The following TMEM117 variants were observed in gnomAD, a reference collection of about 807,000 sequenced individuals.
TMEM117 encodes the protein transmembrane protein 117.
In TMEM117, 27 loss-of-function variants were observed where a neutral mutation model predicts 52.4. That is an observed-to-expected ratio of 0.51 (90% CI 0.38 to 0.71). The LOEUF (loss-of-function observed/expected upper bound fraction) is 0.71, where lower values mean the gene tolerates loss of function less well. Among genes scored for constraint, TMEM117 ranks in the 30% least tolerant of loss-of-function variants. The probability of loss-of-function intolerance (pLI) is 0.00; values close to 1 mark genes in which losing one functional copy is unlikely to be tolerated. For synonymous variants in TMEM117, 215 were observed against 206.3 expected, an observed-to-expected ratio of 1.04 and a Z score of -0.36; for missense variants, 556 against 630.5, an observed-to-expected ratio of 0.88 and a Z score of 1.26.
chr12:44,225,267 A>G (rs1419601939), intron 5 of TMEM117, among the ~76,000 whole-genome samples: 1 of 152,196 alleles, frequency 6.6e-6, no homozygotes, highest in Non-Finnish European at 1.5e-5. Flanking sequence ...CCATGAAGTA[A>G]CATAGTGCTT....
intron 5 of TMEM117, among the ~76,000 whole-genome samples, chr12:44,283,190 G>A (rs1950598979): frequency 6.6e-6 from 1 of 152,242 alleles, no homozygotes; most frequent in Non-Finnish European, 1.5e-5. Flanking sequence ...GTGCAGAAGG[G>A]AAATGTGGGG....
chr12:43,851,469 T>G (rs190262268), intron 2 of TMEM117, among the ~76,000 whole-genome samples: 1 of 152,316 alleles, frequency 6.6e-6, no homozygotes, highest in Non-Finnish European at 1.5e-5. Flanking sequence ...ATTCTAGTTT[T>G]TTTTTAAAAT....
At chr12:44,222,535 A>G (rs1022476999) in intron 5 of TMEM117, among the ~76,000 whole-genome samples, 7 of 152,192 alleles carry the variant, frequency 4.6e-5, no homozygotes, top group Non-Finnish European at 8.8e-5. Context: ...TGTCACTTCT[A>G]CATATCACCA....
intron 4 of TMEM117, among the ~76,000 whole-genome samples, chr12:44,167,831 G>A (rs984961718): frequency 2.5e-4 from 38 of 152,138 alleles, no homozygotes; most frequent in African/African-American, 8.9e-4. Context: ...GCATTACATA[G>A]TGCAGCTCTA....
At position 44,356,672 on chromosome 12, in the gene TMEM117, G is replaced by C. The variant is rs894996260; in HGVS notation, c.769-19923G>C. ...TGTCACCATCCCTTTAGTCTCTCAA[G>C]TAAGGAAAACAGATTTACTTTTTCC... On this transcript the variant is annotated intron_variant, in intron 6 of 7. Transcript: ENST00000266534. Among the ~76,000 whole-genome samples, 8 of 152,094 alleles carry C rather than the reference G, an allele frequency of 5.3e-5. No individual in the cohort carries two copies. In the East Asian group the frequency reaches 1.5e-3, roughly 29 times the overall value.
chr12:44,235,192 AG>A (rs59678616), intron 5 of TMEM117, among the ~76,000 whole-genome samples: 11,808 of 151,456 alleles, frequency 0.078, 1,375 homozygotes, highest in African/African-American at 0.26. Flanking sequence ...TACTCTCTCT[AG>A]ATATATTTTT....
intron 3 of TMEM117, among the ~76,000 whole-genome samples, chr12:44,037,666 C>T (rs956621480): frequency 2.6e-4 from 40 of 152,252 alleles, no homozygotes; most frequent in Middle Eastern, 6.8e-3. Flanking sequence ...CCAATTAGTA[C>T]GCACTTCCTC....
intron 3 of TMEM117, among the ~76,000 whole-genome samples, chr12:43,968,682 G>A (rs548098960): frequency 9.9e-5 from 15 of 151,944 alleles, no homozygotes; most frequent in African/African-American, 3.6e-4. Flanking sequence ...TATAGGGGTA[G>A]CTAAAACCCT....
chr12:44,280,847 T>C (rs984616897), intron 5 of TMEM117, among the ~76,000 whole-genome samples: 2 of 152,136 alleles, frequency 1.3e-5, no homozygotes, highest in Admixed American at 6.5e-5. Context: ...ATTATACTTT[T>C]TATATAGCTT....
At chr12:44,162,570 T>C (rs1011096921) in intron 4 of TMEM117, among the ~76,000 whole-genome samples, 1 of 152,224 alleles carries the variant, frequency 6.6e-6, no homozygotes, top group Non-Finnish European at 1.5e-5. Context: ...CTAACGCTTT[T>C]ACAAAGAGTC....
intron 3 of TMEM117, among the ~76,000 whole-genome samples, chr12:43,981,357 G>T (rs1945757258): frequency 6.6e-6 from 1 of 152,178 alleles, no homozygotes; most frequent in Non-Finnish European, 1.5e-5. Context: ...GAGCTGTCAT[G>T]TATAATTGGG....
chr12:44,143,393 C>G (rs912383693), intron 3 of TMEM117, 132 bp from the exon 4 acceptor site: 1 of 552,284 alleles, frequency 1.8e-6, no homozygotes. Context: ...GATTTGTAAG[C>G]ATATGTGATG....
At chr12:44,079,291 G>T (rs1947439120) in intron 3 of TMEM117, among the ~76,000 whole-genome samples, 1 of 152,156 alleles carries the variant, frequency 6.6e-6, no homozygotes, top group Admixed American at 6.5e-5. Flanking sequence ...TTGCCACACT[G>T]TCTTCCACAA....
chr12:44,083,165 C>A (rs1229562723), intron 3 of TMEM117, among the ~76,000 whole-genome samples: 1 of 151,892 alleles, frequency 6.6e-6, no homozygotes, highest in African/African-American at 2.4e-5. Context: ...TAAACATATG[C>A]AAAAGTTTTT....
At chr12:43,830,375 G>T in the TMEM117 span, among the ~76,000 whole-genome samples, 1 of 151,932 alleles carries the variant, frequency 6.6e-6, no homozygotes, top group East Asian at 1.9e-4. Flanking sequence ...TTGGGAGGCC[G>T]AGGCAGGTGG....
intron 3 of TMEM117, among the ~76,000 whole-genome samples, chr12:44,115,363 C>T (rs183709760): frequency 2.6e-3 from 402 of 152,144 alleles, no homozygotes; most frequent in African/African-American, 9.4e-3. Context: ...ATGTAAATGT[C>T]GACTTAATGG....
At chr12:44,163,751 A>C (rs926246390) in intron 4 of TMEM117, among the ~76,000 whole-genome samples, 2 of 152,212 alleles carry the variant, frequency 1.3e-5, no homozygotes, top group Non-Finnish European at 2.9e-5. Context: ...ATTGCCATTG[A>C]CTAGCCAGTG....
In TMEM117 at chr12:43,925,112, G is replaced by A. The variant is rs1255081891; in HGVS notation, c.278-19098G>A. Among the ~76,000 whole-genome samples the A allele has an allele frequency of 2.0e-5, 3 of 152,178 alleles. No homozygotes were observed. The East Asian group carries it at 5.8e-4, about 30-fold the overall frequency. On this transcript the variant is annotated intron_variant, in intron 2 of 7. Transcript: ENST00000266534. ...TGATTTCCTCCAGAGACAGCAACTC[G>A]AGAGAGGGACCACGGTGGAAACTAC...
the TMEM117 span, among the ~76,000 whole-genome samples, chr12:43,812,165 G>C: frequency 1.3e-5 from 2 of 152,184 alleles, no homozygotes; most frequent in East Asian, 3.9e-4. Context: ...AATAGTCTCT[G>C]AATTTATGAT....
Sources: allele counts gnomAD v4.1 joint callset (sites outside exome capture counted in the v4.1 genomes callset), GRCh38; gene constraint gnomAD v4.1.1; transcripts MANE v1.5; gene names NCBI Gene and HGNC (gene_info 2026-07-23, HGNC 2026-07-21).